Variants in ESRP1 observed in about 807,000 individuals in gnomAD.
ESRP1 encodes RNA-binding motif protein 35A.
Under a neutral mutation model 81.7 loss-of-function variants are expected in ESRP1, and 33 were observed. That is an observed-to-expected ratio of 0.40 (90% CI 0.31 to 0.54). The LOEUF (loss-of-function observed/expected upper bound fraction) is 0.54, where lower values mean the gene tolerates loss of function less well. ESRP1 is among the 20% of genes least tolerant of loss of function. The pLI is 0.41. For missense variants in ESRP1, 672 were observed against 833.1 expected (o/e 0.81, Z 2.38); for synonymous variants, 320 against 303.3 (o/e 1.06, Z -0.57).
chr8:94,698,340 A>G (rs780051221), intron 15 of ESRP1, among the ~76,000 whole-genome samples: 6 of 152,210 alleles, frequency 3.9e-5, no homozygotes, highest in Admixed American at 3.3e-4. Context: ...AGTCCTTCCT[A>G]AGCAGACTGA....
At chr8:94,700,789 T>G (rs1809792973) in intron 15 of ESRP1, among the ~76,000 whole-genome samples, 1 of 150,058 alleles carries the variant, frequency 6.7e-6, no homozygotes. Flanking sequence ...ATCAGCTGGG[T>G]GTGGTGGTGG....
At chr8:94,659,908 T>A (rs1390552970) in intron 4 of ESRP1, among the ~76,000 whole-genome samples, 1 of 152,220 alleles carries the variant, frequency 6.6e-6, no homozygotes, top group Non-Finnish European at 1.5e-5. Flanking sequence ...AAGCGCAATC[T>A]GGAGCAAGGC....
Position 94,690,276 on chromosome 8 carries a change from A to ATTTTTTT in ESRP1, c.1821-2379_1821-2373dup, listed in dbSNP as rs373440584. 9.5e-4 allele frequency among the ~76,000 whole-genome samples: 58 copies of ATTTTTTT among 61,348 alleles called. 2 individuals carry two copies. The highest frequency in any genetic ancestry group is 2.2e-3 in the African/African-American group (32 of 14,822). 40.2% of individuals were successfully genotyped at this position (61,348 alleles called of 152,430 possible). A position where few individuals can be genotyped will look rare whatever the true frequency, so the allele number is the denominator to read the frequency against. On this transcript the variant is annotated intron_variant, in intron 13 of 15. Transcript: ENST00000433389. ...AGGCATGAGCTACAATGCCTGGCTAATTTTTTTTTTTTTTTTTTTTTTTTT... is the reference window on the plus strand; with the variant it reads ...AGGCATGAGCTACAATGCCTGGCTAATTTTTTTTTTTTTTTTTTTTTTTTTTTTTTTT...
chr8:94,667,980 C>T lies in ESRP1; in HGVS notation c.963C>T (p.Ser321=). 6.2e-7 allele frequency: 1 copy of T among 1,607,326 alleles called. No homozygotes were observed. The highest frequency in any genetic ancestry group is 8.5e-7 in the Non-Finnish European group (1 of 1,176,242). Residue 321 remains serine, a synonymous_variant, in exon 10 of 16, where the codon TCC becomes TCT. Transcript: ENST00000433389. ...GTSNEVAQFL[S]KENQVIVRMR... ...CCAATGAGGTAGCCCAGTTTCTCTC[C>T]AAGGAAAATCAAGTCATTGTCCGCA...
intron 4 of ESRP1, among the ~76,000 whole-genome samples, chr8:94,658,482 A>G (rs1167707220): frequency 6.6e-6 from 1 of 152,158 alleles, no homozygotes; most frequent in Non-Finnish European, 1.5e-5. Context: ...TCTTAAATTG[A>G]CGATTGTGGC....
At chr8:94,643,453 G>A (rs372121657) in intron 3 of ESRP1, 37 bp downstream of exon 3, 9 of 1,420,954 alleles carry the variant, frequency 6.3e-6, no homozygotes, top group Non-Finnish European at 8.9e-6. Context: ...AATGGTTGGA[G>A]CTTTGGGGTG....
At chr8:94,678,814 T>C (rs1808747308) in intron 13 of ESRP1, among the ~76,000 whole-genome samples, 1 of 152,268 alleles carries the variant, frequency 6.6e-6, no homozygotes, top group Non-Finnish European at 1.5e-5. Flanking sequence ...TCCTCCTAAA[T>C]CTTTAAACAA....
intron 12 of ESRP1, among the ~76,000 whole-genome samples, chr8:94,675,942 C>T (rs2130654484): frequency 6.6e-6 from 1 of 152,308 alleles, no homozygotes; most frequent in Admixed American, 6.5e-5. Flanking sequence ...CCAGCTTGAG[C>T]AACATAACGA....
chr8:94,707,196 C>T lies in ESRP1; in HGVS notation c.*1307C>T, dbSNP rs1165049095. The T allele has an allele frequency of 6.6e-6, 1 of 152,090 alleles. No individual in the cohort carries two copies. Among genetic ancestry groups the T allele is most frequent in the Non-Finnish European group, 1.5e-5 (1 of 68,038 alleles). 9.4% of individuals were successfully genotyped at this position (152,090 alleles called of 1,614,324 possible). ...TTATTTTCTGTGCATTACTTTAACA[C>T]CTTAAAGGGAGAAGCAAACATTTCC... On this transcript the variant is annotated 3_prime_UTR_variant, in exon 16 of 16. Coordinates refer to ENST00000433389, the MANE Select transcript of ESRP1 (RefSeq NM_017697.4).
chr8:94,648,521 A>C (rs1817951963), intron 4 of ESRP1, among the ~76,000 whole-genome samples: 1 of 152,266 alleles, frequency 6.6e-6, no homozygotes, highest in Non-Finnish European at 1.5e-5. Flanking sequence ...AAGTATTTCT[A>C]CAATGTCTGA....
chr8:94,684,821 C>G (rs1457511453), intron 13 of ESRP1, among the ~76,000 whole-genome samples: 1 of 151,794 alleles, frequency 6.6e-6, no homozygotes, highest in Non-Finnish European at 1.5e-5. Context: ...TTTAAGAGGC[C>G]AAGGTAGGAG....
At chr8:94,696,269 A>G (rs549154106) in intron 14 of ESRP1, among the ~76,000 whole-genome samples, 1 of 152,228 alleles carries the variant, frequency 6.6e-6, no homozygotes, top group African/African-American at 2.4e-5. Context: ...GTCCTTTAAC[A>G]TTTTCATTTG....
rs999890624 is a variant in ESRP1, at chr8:94,694,622, C to G, written c.1971+1795C>G. ...CTGTTTCAGAAAAAAAGTGTCATGC[C>G]TGGCATTGTGGGTATTTATTTTACC... On this transcript the variant is annotated intron_variant, in intron 14 of 15. Coordinates refer to ENST00000433389, the MANE Select transcript of ESRP1 (RefSeq NM_017697.4). 2.0e-5 allele frequency among the ~76,000 whole-genome samples: 3 copies of G among 152,142 alleles called. No homozygotes were observed. The East Asian group carries it at 5.8e-4, about 29-fold the overall frequency.
chr8:94,652,850 T>C (rs556148730), intron 4 of ESRP1, among the ~76,000 whole-genome samples: 1 of 152,296 alleles, frequency 6.6e-6, no homozygotes, highest in East Asian at 1.9e-4. Context: ...ATTTTATCAC[T>C]AGGGAAACTG....
chr8:94,671,780 T>A, intron 11 of ESRP1, 109 bp downstream of exon 11: 1 of 667,002 alleles, frequency 1.5e-6, no homozygotes, highest in Non-Finnish European at 2.3e-6. Flanking sequence ...TATTAGATAT[T>A]AGTCTTTGAT....
chr8:94,702,558 T>C (rs930198024), intron 15 of ESRP1, among the ~76,000 whole-genome samples: 7 of 152,232 alleles, frequency 4.6e-5, no homozygotes, highest in Non-Finnish European at 8.8e-5. Flanking sequence ...ATTTAGATAA[T>C]CTGAGTCCAG....
In ESRP1 at chr8:94,676,806, T is replaced by G. The variant is rs575430222; in HGVS notation, c.1652-1397T>G. ...AGCCACCACACCCAGCCATGTGTGT[T>G]TGTCTTATTGGTGTGAGGCACTGTC... On this transcript the variant is annotated intron_variant, in intron 12 of 15. Transcript: ENST00000433389. 2.0e-5 allele frequency among the ~76,000 whole-genome samples: 3 copies of G among 151,498 alleles called. No individual in the cohort carries two copies. In the East Asian group the frequency reaches 6.0e-4, roughly 30 times the overall value.
At chr8:94,665,100 G>T (rs1818953152) in intron 8 of ESRP1, 41 bp downstream of exon 8, 1 of 1,613,614 alleles carries the variant, frequency 6.2e-7, no homozygotes, top group African/African-American at 1.3e-5. Flanking sequence ...TCGTGAATGA[G>T]AATTAACATA....
chr8:94,646,277 C>G lies in ESRP1; in HGVS notation c.485C>G (p.Thr162Arg), dbSNP rs939368108. The change falls in exon 4 of 16, where the codon ACA (threonine) becomes AGA (arginine). Residue 162 changes from threonine to arginine, a missense_variant. Physicochemically the swap from Thr to Arg is moderately conservative, Grantham distance 71. Transcript: ENST00000433389. ...DIDKLDVATMTEYLNFEKSSS... is the reference protein window; with the variant it reads ...DIDKLDVATMREYLNFEKSSS... Reference sequence around the variant, plus strand: ...GACAAACTGGACGTTGCCACAATGACAGAGTGTATCCTTTAAATCATTACT... The same window carrying G: ...GACAAACTGGACGTTGCCACAATGAGAGAGTGTATCCTTTAAATCATTACT... 66 of 1,581,836 alleles carry G rather than the reference C, an allele frequency of 4.2e-5. No homozygotes were observed. The Admixed American group carries it at 8.6e-4, about 21-fold the overall frequency.
Sources: gnomAD v4.1 joint callset for allele counts (sites outside exome capture counted in the v4.1 genomes callset) on GRCh38, gnomAD v4.1.1 for gene constraint, MANE v1.5 for transcripts, NCBI Gene and HGNC (gene_info 2026-07-23, HGNC 2026-07-21) for gene names.